THSD4: variants seen among roughly 807,000 people sequenced by gnomAD.
THSD4 encodes the protein thrombospondin type-1 domain-containing protein 4.
A neutral mutation model predicts 119.0 loss-of-function variants in THSD4; 69 were observed. That is an observed-to-expected ratio of 0.58 (90% CI 0.48 to 0.71). The LOEUF is 0.71. THSD4 is among the 30% of genes least tolerant of loss of function. The pLI, the probability that THSD4 is intolerant of heterozygous loss-of-function variation, is 0.00. For synonymous variants in THSD4, 524 were observed against 540.4 expected (o/e 0.97, Z 0.42); for missense variants, 1,393 against 1,391.1 (o/e 1.00, Z -0.02).
intron 7 of THSD4, among the ~76,000 whole-genome samples, chr15:71,657,112 C>T (rs1268493537): frequency 1.3e-5 from 2 of 152,176 alleles, no homozygotes; most frequent in Non-Finnish European, 2.9e-5. Flanking sequence ...ATAGAGCATG[C>T]AAGCGTTCCT....
At chr15:71,218,854 T>G (rs977339482) in intron 4 of THSD4, among the ~76,000 whole-genome samples, 1 of 152,220 alleles carries the variant, frequency 6.6e-6, no homozygotes, top group African/African-American at 2.4e-5. Context: ...GAAACTTCAT[T>G]GGAGTCAGAT....
chr15:71,449,134 C>T (rs1170423831), intron 7 of THSD4, among the ~76,000 whole-genome samples: 1 of 152,176 alleles, frequency 6.6e-6, no homozygotes, highest in Non-Finnish European at 1.5e-5. Flanking sequence ...TCCTTGGCCA[C>T]ATTCCTTGAG....
At chr15:71,324,689 T>G (rs2140364643) in intron 6 of THSD4, among the ~76,000 whole-genome samples, 1 of 152,346 alleles carries the variant, frequency 6.6e-6, no homozygotes, top group East Asian at 1.9e-4. Context: ...TATACCACAT[T>G]TTCTTTATCC....
intron 8 of THSD4, among the ~76,000 whole-genome samples, chr15:71,724,297 T>TTC (rs1491121953): frequency 2.4e-5 from 1 of 41,584 alleles, no homozygotes; most frequent in African/African-American, 4.4e-5. Context: ...ATTTTTTTTT[T>TTC]CCCCCCAAGA....
chr15:71,098,482 T>C (rs1269587264), intron 1 of THSD4, among the ~76,000 whole-genome samples: 1 of 152,204 alleles, frequency 6.6e-6, no homozygotes, highest in Non-Finnish European at 1.5e-5. Flanking sequence ...CAGGCTGGTC[T>C]TAAATTGCTG....
At chr15:71,192,569 C>T (rs779944874) in intron 3 of THSD4, among the ~76,000 whole-genome samples, 15 of 152,298 alleles carry the variant, frequency 9.8e-5, no homozygotes, top group African/African-American at 2.6e-4. Flanking sequence ...TGTGAACCAC[C>T]GCGCTTGGCT....
At chr15:71,143,069 T>A (rs1361800890) in intron 2 of THSD4, among the ~76,000 whole-genome samples, 1 of 152,158 alleles carries the variant, frequency 6.6e-6, no homozygotes, top group African/African-American at 2.4e-5. Context: ...TGTGCAGGCC[T>A]GCAATCCAAA....
intron 7 of THSD4, among the ~76,000 whole-genome samples, chr15:71,451,987 T>G (rs892443496): frequency 2.0e-5 from 3 of 152,180 alleles, no homozygotes; most frequent in Non-Finnish European, 4.4e-5. Context: ...AGCACACTGT[T>G]GAGGGTTGGT....
chr15:71,697,980 G>A (rs896177603), intron 8 of THSD4, among the ~76,000 whole-genome samples: 5 of 151,764 alleles, frequency 3.3e-5, no homozygotes, highest in South Asian at 2.1e-4. Flanking sequence ...ACTTCAGCAC[G>A]TGAATGAGAC....
chr15:71,156,946 C>T (rs1251910583), intron 3 of THSD4, among the ~76,000 whole-genome samples: 1 of 152,108 alleles, frequency 6.6e-6, no homozygotes, highest in African/African-American at 2.4e-5. Flanking sequence ...ATTGGCACCC[C>T]CCTCCCCTGC....
At chr15:71,131,469 G>GAA (rs1238641263) in intron 1 of THSD4, among the ~76,000 whole-genome samples, 2 of 113,284 alleles carry the variant, frequency 1.8e-5, no homozygotes, top group South Asian at 2.9e-4. Context: ...GACTCCATCT[G>GAA]AAAAAAAAAA....
chr15:71,415,807 GT>G (rs1032318424), intron 7 of THSD4, among the ~76,000 whole-genome samples: 3 of 151,906 alleles, frequency 2.0e-5, no homozygotes, highest in East Asian at 1.9e-4. Flanking sequence ...TTGTTTGTTT[GT>G]TTTTTTAAGA....
At chr15:71,325,117 T>G (rs961330077) in intron 6 of THSD4, among the ~76,000 whole-genome samples, 5 of 152,204 alleles carry the variant, frequency 3.3e-5, no homozygotes, top group African/African-American at 1.2e-4. Context: ...TAAAGAAATA[T>G]CTATTCACAT....
In THSD4 at chr15:71,490,586, G is replaced by A. The variant is rs547161607; in HGVS notation, c.1152+78763G>A. Among the ~76,000 whole-genome samples, 11 of 127,424 alleles carry A rather than the reference G, an allele frequency of 8.6e-5. No homozygotes were observed. In the South Asian group the frequency reaches 2.2e-3, roughly 25 times the overall value. 83.6% of individuals were successfully genotyped at this position (127,424 alleles called of 152,430 possible). The stretch of plus-strand genomic sequence containing the variant: ...AAAAAAAAAAAAAAAAAAAACATTA[G>A]CCAGGCATGGTGGTGCATGCCTGTA... On this transcript the variant is annotated intron_variant, in intron 7 of 17. Transcript: ENST00000261862.
intron 7 of THSD4, among the ~76,000 whole-genome samples, chr15:71,542,092 G>T (rs1286780360): frequency 6.6e-6 from 1 of 152,200 alleles, no homozygotes; most frequent in East Asian, 1.9e-4. Flanking sequence ...GAGGAGGCGG[G>T]ACAAATCATC....
chr15:71,633,269 C>CTTTTTTTTTTTT (rs67682951), intron 7 of THSD4, among the ~76,000 whole-genome samples: 12 of 63,178 alleles, frequency 1.9e-4, no homozygotes, highest in South Asian at 7.5e-4. Context: ...TTCTTTCTTT[C>CTTTTTTTTTTTT]TTTTTTTTTT....
Position 71,426,103 on chromosome 15 carries a change from A to C in THSD4, c.1152+14280A>C, listed in dbSNP as rs4354881. ...ACTCCTCCCTTATATCCTCTGCACAACCTCTGGTCAGTCATCGCCCCACTG... is the reference window on the plus strand; with the variant it reads ...ACTCCTCCCTTATATCCTCTGCACACCCTCTGGTCAGTCATCGCCCCACTG... On this transcript the variant is annotated intron_variant, in intron 7 of 17. Coordinates refer to ENST00000261862, the MANE Select transcript of THSD4 (RefSeq NM_024817.3). Among the ~76,000 whole-genome samples the C allele has an allele frequency of 2.3e-3, 345 of 152,024 alleles. 1 individual carries two copies. Among genetic ancestry groups the C allele is most frequent in the African/African-American group, 7.9e-3 (327 of 41,450 alleles).
In THSD4 at chr15:71,282,900, A is replaced by G. The variant is rs537159544; in HGVS notation, c.1015+26185A>G. On this transcript the variant is annotated intron_variant, in intron 6 of 17. Transcript: ENST00000261862. ...ATAATACTTACAAACATGCACATAAAGTTCTCTAGCCCCCAGAGGATTTTC... is the reference window on the plus strand; with the variant it reads ...ATAATACTTACAAACATGCACATAAGGTTCTCTAGCCCCCAGAGGATTTTC... Among the ~76,000 whole-genome samples, 40 of 152,210 alleles carry G rather than the reference A, an allele frequency of 2.6e-4. 1 individual carries two copies. The highest frequency in any genetic ancestry group is 7.5e-4 in the African/African-American group (31 of 41,538).
At chr15:71,714,058 A>T (rs2052562671) in intron 8 of THSD4, among the ~76,000 whole-genome samples, 1 of 152,110 alleles carries the variant, frequency 6.6e-6, no homozygotes, top group Admixed American at 6.5e-5. Flanking sequence ...TGGACAAAGT[A>T]CAGGTTGGTG....
Sources: allele counts gnomAD v4.1 joint callset (sites outside exome capture counted in the v4.1 genomes callset), GRCh38; gene constraint gnomAD v4.1.1; transcripts MANE v1.5; gene names NCBI Gene and HGNC (gene_info 2026-07-23, HGNC 2026-07-21).